Variants in DSC1 observed in about 807,000 individuals in gnomAD.
DSC1 encodes desmocollin 1, also known as desmocollin-1.
In DSC1, 79 loss-of-function variants were observed where a neutral mutation model predicts 98.8. The observed-to-expected ratio is 0.80, with a 90% CI of 0.67 to 0.96. The LOEUF is 0.96. Among genes scored for constraint, DSC1 ranks in the 50% least tolerant of loss-of-function variants. DSC1 has a pLI of 0.00. For synonymous variants in DSC1, 405 were observed against 372.1 expected, an observed-to-expected ratio of 1.09 and a Z score of -1.02; for missense variants, 1,115 against 1,075.9, an observed-to-expected ratio of 1.04 and a Z score of -0.51.
rs1454669441 is a variant in DSC1 at position 31,150,342 on chromosome 18, TCAC to T, written c.628-1703_628-1701del. Among the ~76,000 whole-genome samples, 73 of 68,806 alleles carry T rather than the reference TCAC, an allele frequency of 1.1e-3. 1 individual carries two copies. The highest frequency in any genetic ancestry group is 1.5e-3 in the Non-Finnish European group (50 of 34,048). 45.1% of individuals were successfully genotyped at this position (68,806 alleles called of 152,430 possible). A position where few individuals can be genotyped will look rare whatever the true frequency, so the allele number is the denominator to read the frequency against. On this transcript the variant is annotated intron_variant, in intron 5 of 15. Coordinates refer to ENST00000257198, the MANE Select transcript of DSC1 (RefSeq NM_024421.2). ...ACCATCATCACCACCACCACTACCATCACCACCACCACCACCATCATCACCACC... is the reference window on the plus strand; with the variant it reads ...ACCATCATCACCACCACCACTACCATCACCACCACCACCATCATCACCACC...
intron 6 of DSC1, among the ~76,000 whole-genome samples, chr18:31,147,690 C>G (rs1299188076): frequency 2.0e-5 from 3 of 152,056 alleles, no homozygotes; most frequent in African/African-American, 7.2e-5. Context: ...TAATACCCAA[C>G]AGTCATTTAA....
At chr18:31,137,799 A>G (rs1255565847) in intron 11 of DSC1, among the ~76,000 whole-genome samples, 1 of 152,158 alleles carries the variant, frequency 6.6e-6, no homozygotes, top group Non-Finnish European at 1.5e-5. Flanking sequence ...AGACAGGAGG[A>G]GCAATGCTAC....
rs747125495 is a variant in DSC1 at position 31,131,669 on chromosome 18, C to G, written c.2412G>C (p.Lys804Asn). 6.2e-7 allele frequency: 1 copy of G among 1,614,120 alleles called. No homozygotes were observed. The highest frequency in any genetic ancestry group is 8.5e-7 in the Non-Finnish European group (1 of 1,179,978). The stretch of plus-strand genomic sequence containing the variant: ...TGCCAGTATCTCCCTGCCCCACTCC[C>G]TTGACGGACTCCAAGGTCTGATGTC... ...GGGHQTLESV[K>N]GVGQGDTGRY... The change falls in exon 15 of 16, where the codon AAG (lysine) becomes AAC (asparagine). Residue 804 changes from lysine (K) to asparagine (N), a missense_variant. Physicochemically the swap from Lys to Asn is moderately conservative, Grantham distance 94. Transcript: ENST00000257198.
chr18:31,130,906 A>T, intron 15 of DSC1, 195 bp from the exon 16 acceptor site: 1 of 1,437,112 alleles, frequency 7.0e-7, no homozygotes, highest in Non-Finnish European at 9.5e-7. Flanking sequence ...AAATAAATAA[A>T]TGCTTCTAGT....
At chr18:31,155,220 C>T (rs1387183993) in intron 4 of DSC1, among the ~76,000 whole-genome samples, 1 of 152,056 alleles carries the variant, frequency 6.6e-6, no homozygotes, top group South Asian at 2.1e-4. Flanking sequence ...TTATTCTTAT[C>T]TTCATATAAA....
At chr18:31,150,550 CCAA>C (rs1207781132) in intron 5 of DSC1, among the ~76,000 whole-genome samples, 2 of 67,982 alleles carry the variant, frequency 2.9e-5, no homozygotes, top group Non-Finnish European at 6.6e-5. Context: ...ACTACCACCA[CCAA>C]CACCACCACC....
intron 7 of DSC1, among the ~76,000 whole-genome samples, chr18:31,144,251 A>T (rs908821332): frequency 2.0e-5 from 3 of 152,160 alleles, no homozygotes; most frequent in African/African-American, 7.2e-5. Context: ...AAAAAAATAA[A>T]GTACAGAACA....
In DSC1 at chr18:31,142,712, ATAT is replaced by A. The variant is rs150905897; in HGVS notation, c.1075-531_1075-529del. Among the ~76,000 whole-genome samples, 380 of 152,266 alleles carry A rather than the reference ATAT, an allele frequency of 2.5e-3. 4 individuals carry two copies. The highest frequency in any genetic ancestry group is 0.024 in the East Asian group (122 of 5,180). On this transcript the variant is annotated intron_variant, in intron 8 of 15. Coordinates refer to ENST00000257198, the MANE Select transcript of DSC1 (RefSeq NM_024421.2). ...CATTAAACAATAGCCCTCCACAAAA[ATAT>A]TATTACAAAAGCATAAGATATTAAA...
chr18:31,134,562 G>A lies in DSC1; in HGVS notation c.1876+10C>T, dbSNP rs1290387408. Reference sequence around the variant, plus strand: ...CCGTATTGACTATAAAATTTAGCATGATTACATACCATCCTTTTCTTCTAT... The same window carrying A: ...CCGTATTGACTATAAAATTTAGCATAATTACATACCATCCTTTTCTTCTAT... On this transcript the variant is annotated intron_variant, in intron 12 of 15. Coordinates refer to ENST00000257198, the MANE Select transcript of DSC1 (RefSeq NM_024421.2). 1.3e-6 allele frequency: 2 copies of A among 1,595,558 alleles called. No individual in the cohort carries two copies. Among genetic ancestry groups the A allele is most frequent in the South Asian group, 2.2e-5 (2 of 89,192 alleles).
chr18:31,159,543 A>G lies in DSC1; in HGVS notation c.64-14T>C. 1 of 1,585,902 alleles carries G rather than the reference A, an allele frequency of 6.3e-7. No homozygotes were observed. Among genetic ancestry groups the G allele is most frequent in the Non-Finnish European group, 8.5e-7 (1 of 1,171,220 alleles). ...TAATGTTAAAACCTCAAAAAAAAAAAAAGAAAAAATATCAGGAATTAAATT... is the reference window on the plus strand; with the variant it reads ...TAATGTTAAAACCTCAAAAAAAAAAGAAGAAAAAATATCAGGAATTAAATT... On this transcript the variant is annotated splice_polypyrimidine_tract_variant and intron_variant, in intron 1 of 15. Transcript: ENST00000257198.
chr18:31,145,267 T>C (rs1988822911), intron 7 of DSC1, among the ~76,000 whole-genome samples: 1 of 152,160 alleles, frequency 6.6e-6, no homozygotes, highest in South Asian at 2.1e-4. Flanking sequence ...TACTAAATTG[T>C]GCTGTGAACC....
chr18:31,143,815 T>C, intron 7 of DSC1, 24 bp from the exon 8 acceptor site: 1 of 1,533,102 alleles, frequency 6.5e-7, no homozygotes, highest in Non-Finnish European at 8.7e-7. Flanking sequence ...AAAAACTACA[T>C]TAATGAACAC....
chr18:31,156,441 T>G (rs1209050274), intron 3 of DSC1, among the ~76,000 whole-genome samples: 2 of 152,134 alleles, frequency 1.3e-5, no homozygotes, highest in Non-Finnish European at 1.5e-5. Context: ...CCCCCTAAAA[T>G]AGATAATTCA....
chr18:31,132,721 A>G, intron 13 of DSC1, 32 bp from the exon 14 acceptor site: 1 of 1,593,290 alleles, frequency 6.3e-7, no homozygotes, highest in Non-Finnish European at 8.6e-7. Context: ...AGTAAAACAC[A>G]GACATTAAAT....
At chr18:31,145,518 G>A in intron 7 of DSC1, 93 bp downstream of exon 7, 1 of 1,393,374 alleles carries the variant, frequency 7.2e-7, no homozygotes, top group Non-Finnish European at 1.0e-6. Flanking sequence ...GCTGAGAAAG[G>A]AGGCCAGACT....
rs561227375 is a variant in DSC1 at position 31,159,377 on chromosome 18, T to C, written c.148+68A>G. ...CTACTATGTGGTTTTTATCCCAAACTTTACAAGAGCAGCCTGCAGCTAAAT... is the reference window on the plus strand; with the variant it reads ...CTACTATGTGGTTTTTATCCCAAACCTTACAAGAGCAGCCTGCAGCTAAAT... On this transcript the variant is annotated intron_variant, in intron 2 of 15. Coordinates refer to ENST00000257198, the MANE Select transcript of DSC1 (RefSeq NM_024421.2). The C allele has an allele frequency of 1.5e-3, 2,315 of 1,542,142 alleles. 4 individuals carry two copies. Among genetic ancestry groups the C allele is most frequent in the Non-Finnish European group, 1.9e-3 (2,175 of 1,121,132 alleles).
chr18:31,159,898 T>C lies in DSC1; in HGVS notation c.64-369A>G, dbSNP rs1989178847. Among the ~76,000 whole-genome samples, 3 of 152,326 alleles carry C rather than the reference T, an allele frequency of 2.0e-5. No homozygotes were observed. The East Asian group carries it at 5.8e-4, about 29-fold the overall frequency. ...AGAAAATACTTACCTTTGAAATGCA[T>C]AATTACATATATGCCCTAATTCTCT... On this transcript the variant is annotated intron_variant, in intron 1 of 15. Transcript: ENST00000257198.
At chr18:31,140,804 T>C (rs1008103639) in intron 9 of DSC1, among the ~76,000 whole-genome samples, 2 of 152,186 alleles carry the variant, frequency 1.3e-5, no homozygotes, top group Non-Finnish European at 2.9e-5. Context: ...ATGAAAGCGC[T>C]TGGTCCTTGA....
At chr18:31,143,574 G>T in intron 8 of DSC1, 83 bp downstream of exon 8, 7 of 1,105,308 alleles carry the variant, frequency 6.3e-6, no homozygotes, top group Non-Finnish European at 7.3e-6. Context: ...CAAACTTTGT[G>T]ATCTCACAGA....
Sources: gnomAD v4.1 joint callset for allele counts (sites outside exome capture counted in the v4.1 genomes callset) on GRCh38, gnomAD v4.1.1 for gene constraint, MANE v1.5 for transcripts, NCBI Gene and HGNC (gene_info 2026-07-23, HGNC 2026-07-21) for gene names.